BLTP3A: variants seen among roughly 807,000 people sequenced by gnomAD.
BLTP3A encodes the protein bridge-like lipid transfer protein family member 3A, also known as ICBP90 binding protein 1.
At chr6:34,839,944 C>T in the BLTP3A span, among the ~76,000 whole-genome samples, 5 of 152,370 alleles carry the variant, frequency 3.3e-5, no homozygotes, top group African/African-American at 7.2e-5. Context: ...CGTGCTGTGC[C>T]GTGCCGTCCA....
the BLTP3A span, chr6:34,857,882 C>T: frequency 6.2e-7 from 1 of 1,613,990 alleles, no homozygotes; most frequent in Non-Finnish European, 8.5e-7. Flanking sequence ...GAAAGATGAA[C>T]ACTTGGACAT....
chr6:34,831,774 A>G, the BLTP3A span, among the ~76,000 whole-genome samples: 4 of 152,160 alleles, frequency 2.6e-5, no homozygotes, highest in African/African-American at 9.7e-5. Flanking sequence ...TCATAAATCT[A>G]GTGACTCTCA....
the BLTP3A span, among the ~76,000 whole-genome samples, chr6:34,829,967 A>G: frequency 2.0e-5 from 3 of 151,504 alleles, no homozygotes; most frequent in Non-Finnish European, 4.4e-5. Flanking sequence ...ATCACGCCTC[A>G]CTGATTTTTT....
the BLTP3A span, among the ~76,000 whole-genome samples, chr6:34,817,573 A>G: frequency 6.6e-6 from 1 of 152,164 alleles, no homozygotes; most frequent in Non-Finnish European, 1.5e-5. Flanking sequence ...CAGCATAAGT[A>G]TAATGTTTAT....
the BLTP3A span, among the ~76,000 whole-genome samples, chr6:34,837,553 C>T: frequency 2.6e-5 from 4 of 152,088 alleles, no homozygotes; most frequent in Non-Finnish European, 5.9e-5. Context: ...TGGTGTGTCC[C>T]TGTAGTTCTA....
the BLTP3A span, among the ~76,000 whole-genome samples, chr6:34,804,247 A>G: frequency 2.0e-5 from 3 of 152,124 alleles, no homozygotes; most frequent in South Asian, 2.1e-4. Context: ...CAGGTAGTCT[A>G]TCCTTTTTGT....
chr6:34,823,304 GC>G, the BLTP3A span: 1 of 1,613,992 alleles, frequency 6.2e-7, no homozygotes. Context: ...AGGATCCTCG[GC>G]CCCCCAATGG....
At chr6:34,811,731 G>C in the BLTP3A span, among the ~76,000 whole-genome samples, 8 of 148,954 alleles carry the variant, frequency 5.4e-5, no homozygotes, top group Non-Finnish European at 1.0e-4. Context: ...TGGTGATGCA[G>C]GCCTGTAATC....
At chr6:34,816,435 C>T in the BLTP3A span, among the ~76,000 whole-genome samples, 1 of 151,924 alleles carries the variant, frequency 6.6e-6, no homozygotes, top group Non-Finnish European at 1.5e-5. Context: ...CAAAGGGAGA[C>T]CCCATCTCTA....
chr6:34,819,013 A>C, the BLTP3A span, among the ~76,000 whole-genome samples: 1 of 152,200 alleles, frequency 6.6e-6, no homozygotes, highest in African/African-American at 2.4e-5. Flanking sequence ...GTTAGCATCT[A>C]ATATATGTAA....
chr6:34,860,983 C>T, the BLTP3A span, among the ~76,000 whole-genome samples: 2 of 152,156 alleles, frequency 1.3e-5, no homozygotes, highest in Admixed American at 1.3e-4. Context: ...CTGATCAGTT[C>T]ATTCTGAATA....
chr6:34,853,705 C>T, the BLTP3A span, among the ~76,000 whole-genome samples: 5 of 151,918 alleles, frequency 3.3e-5, no homozygotes, highest in African/African-American at 4.8e-5. Flanking sequence ...GGATTACAAG[C>T]GTGTGCCACC....
At chr6:34,859,605 T>C in the BLTP3A span, 1 of 1,606,502 alleles carries the variant, frequency 6.2e-7, no homozygotes. Flanking sequence ...ACTCATCCCA[T>C]CTCCTTCTCC....
the BLTP3A span, among the ~76,000 whole-genome samples, chr6:34,820,776 T>A: frequency 6.7e-6 from 1 of 148,944 alleles, no homozygotes; most frequent in Non-Finnish European, 1.5e-5. Context: ...CTCAGCCTCC[T>A]GGGTAGCTGG....
At chr6:34,859,647 C>T in the BLTP3A span, 1 of 1,562,574 alleles carries the variant, frequency 6.4e-7, no homozygotes, top group Non-Finnish European at 8.7e-7. Flanking sequence ...AGGCCTCTTA[C>T]TATGTGCATT....
chr6:34,801,656 T>C, the BLTP3A span, among the ~76,000 whole-genome samples: 1 of 152,196 alleles, frequency 6.6e-6, no homozygotes, highest in African/African-American at 2.4e-5. Context: ...TTAAATGAGC[T>C]TAGACTCTAT....
At chr6:34,796,852 A>G in the BLTP3A span, among the ~76,000 whole-genome samples, 1 of 152,056 alleles carries the variant, frequency 6.6e-6, no homozygotes, top group Admixed American at 6.6e-5. Context: ...CTGCAGGTGC[A>G]CGCCACCACG....
the BLTP3A span, among the ~76,000 whole-genome samples, chr6:34,794,990 T>C: frequency 6.6e-6 from 1 of 151,892 alleles, no homozygotes; most frequent in Non-Finnish European, 1.5e-5. Context: ...GGTTTCACCA[T>C]GTTGGCGAGG....
the BLTP3A span, among the ~76,000 whole-genome samples, chr6:34,850,322 T>C: frequency 6.6e-6 from 1 of 152,168 alleles, no homozygotes; most frequent in Non-Finnish European, 1.5e-5. Flanking sequence ...GTTTATTAAA[T>C]GCCTTGAGAT....
Sources: gnomAD v4.1 joint callset for allele counts (sites outside exome capture counted in the v4.1 genomes callset) on GRCh38, gnomAD v4.1.1 for gene constraint, MANE v1.5 for transcripts, NCBI Gene and HGNC (gene_info 2026-07-23, HGNC 2026-07-21) for gene names.